SIDT1: variants seen among roughly 807,000 people sequenced by gnomAD.
SIDT1 encodes SID1 transmembrane family, member 1.
In SIDT1, 101 loss-of-function variants were observed where a neutral mutation model predicts 107.5. That is an observed-to-expected ratio of 0.94 (90% confidence interval 0.80 to 1.11). SIDT1 has a LOEUF of 1.11. SIDT1 is among the 50% of genes least tolerant of loss of function. The probability of loss-of-function intolerance (pLI) is 0.00; values close to 1 mark genes in which losing one functional copy is unlikely to be tolerated. For synonymous variants in SIDT1, 395 were observed against 398.2 expected, an observed-to-expected ratio of 0.99 and a Z score of 0.10; for missense variants, 1,076 against 1,058.2, an observed-to-expected ratio of 1.02 and a Z score of -0.23.
At chr3:113,581,233 T>G in intron 5 of SIDT1, 128 bp from the exon 6 acceptor site, 1 of 733,320 alleles carries the variant, frequency 1.4e-6, no homozygotes, top group Non-Finnish European at 2.4e-6. Flanking sequence ...GGAAATTGCC[T>G]AGTTTCTGGT....
chr3:113,591,035 T>C (rs559004190), intron 9 of SIDT1, among the ~76,000 whole-genome samples: 2 of 152,266 alleles, frequency 1.3e-5, no homozygotes, highest in South Asian at 4.1e-4. Context: ...CAAGAATCCT[T>C]ATGAAGGAGA....
intron 1 of SIDT1, 107 bp from the exon 2 acceptor site, chr3:113,566,313 C>T: frequency 8.7e-7 from 1 of 1,152,388 alleles, no homozygotes; most frequent in Non-Finnish European, 1.2e-6. Flanking sequence ...CACATGGCAA[C>T]TATGGTGTGT....
intron 9 of SIDT1, among the ~76,000 whole-genome samples, chr3:113,590,470 T>C (rs1576875657): frequency 6.6e-6 from 1 of 152,248 alleles, no homozygotes; most frequent in Admixed American, 6.5e-5. Flanking sequence ...AATGACTTTA[T>C]TGAGATACAA....
intron 1 of SIDT1, among the ~76,000 whole-genome samples, chr3:113,534,231 A>G (rs1937833173): frequency 1.3e-5 from 2 of 148,984 alleles, no homozygotes; most frequent in South Asian, 4.3e-4. Context: ...GATGATTGGG[A>G]TACCATGATA....
chr3:113,541,125 T>C (rs1938794774), intron 1 of SIDT1, among the ~76,000 whole-genome samples: 1 of 140,216 alleles, frequency 7.1e-6, no homozygotes, highest in Non-Finnish European at 1.5e-5. Flanking sequence ...TATATATATA[T>C]ATATATATAC....
At chr3:113,574,691 C>G (rs994309828) in intron 3 of SIDT1, among the ~76,000 whole-genome samples, 1 of 152,044 alleles carries the variant, frequency 6.6e-6, no homozygotes, top group African/African-American at 2.4e-5. Context: ...TATCTGCACC[C>G]CCATCTCTCA....
intron 5 of SIDT1, among the ~76,000 whole-genome samples, chr3:113,581,089 G>A (rs565044447): frequency 4.6e-5 from 7 of 152,182 alleles, no homozygotes; most frequent in African/African-American, 1.7e-4. Flanking sequence ...CTCCTGAGGT[G>A]TTAACGAAAA....
chr3:113,634,992 T>C, the SIDT1 span, among the ~76,000 whole-genome samples: 1 of 152,238 alleles, frequency 6.6e-6, no homozygotes, highest in Admixed American at 6.5e-5. Context: ...GACTATTGCT[T>C]CAGGTTCTAA....
chr3:113,626,218 G>A lies in SIDT1; in HGVS notation c.2421+3G>A. 2 of 1,586,232 alleles carry A rather than the reference G, an allele frequency of 1.3e-6. No individual in the cohort carries two copies. The highest frequency in any genetic ancestry group is 1.7e-6 in the Non-Finnish European group (2 of 1,154,660). The stretch of plus-strand genomic sequence containing the variant: ...CTGCTCTGTTTTTCTCATTCTTGGT[G>A]AGTTCATATCTATCTTTTTGTGACT... On this transcript the variant is annotated splice_donor_region_variant and intron_variant, in intron 24 of 24. Transcript: ENST00000264852.
intron 10 of SIDT1, among the ~76,000 whole-genome samples, chr3:113,593,964 T>G (rs1944359605): frequency 6.6e-6 from 1 of 152,190 alleles, no homozygotes. Flanking sequence ...AATGTCCTCA[T>G]TTTTGAAAAA....
chr3:113,554,829 A>C (rs1940670351), intron 1 of SIDT1, among the ~76,000 whole-genome samples: 3 of 151,472 alleles, frequency 2.0e-5, no homozygotes, highest in Admixed American at 1.3e-4. Context: ...TCCCCCACCA[A>C]GCTCAGGCAT....
intron 13 of SIDT1, among the ~76,000 whole-genome samples, chr3:113,604,337 C>T (rs910614642): frequency 6.6e-6 from 1 of 152,174 alleles, no homozygotes; most frequent in Non-Finnish European, 1.5e-5. Context: ...CTTTTACTTG[C>T]ATGCAGATCT....
chr3:113,552,822 CCCCT>C (rs1329134866), intron 1 of SIDT1, among the ~76,000 whole-genome samples: 1 of 152,204 alleles, frequency 6.6e-6, no homozygotes, highest in African/African-American at 2.4e-5. Flanking sequence ...CTGTATCCGG[CCCCT>C]TTGACATCCA....
At chr3:113,601,369 T>C in intron 10 of SIDT1, 1 of 405,216 alleles carries the variant, frequency 2.5e-6, no homozygotes, top group Non-Finnish European at 4.4e-6. Flanking sequence ...TCCCCAGTCA[T>C]TTAAAGGTTT....
chr3:113,603,314 T>C (rs1945094416), intron 12 of SIDT1, among the ~76,000 whole-genome samples, 164 bp downstream of exon 12: 1 of 152,152 alleles, frequency 6.6e-6, no homozygotes, highest in African/African-American at 2.4e-5. Flanking sequence ...CAATACTCTG[T>C]TAATTCGCAC....
intron 1 of SIDT1, among the ~76,000 whole-genome samples, 155 bp downstream of exon 1, chr3:113,533,398 C>T (rs1484100608): frequency 2.0e-5 from 3 of 152,234 alleles, no homozygotes; most frequent in African/African-American, 7.2e-5. Flanking sequence ...CTGCCCTGCC[C>T]TAGCTGCCTC....
chr3:113,624,321 G>T (rs1486112594), intron 23 of SIDT1, among the ~76,000 whole-genome samples: 1 of 152,126 alleles, frequency 6.6e-6, no homozygotes, highest in East Asian at 1.9e-4. Context: ...CTGTATATTT[G>T]CTTATTCTGG....
intron 1 of SIDT1, among the ~76,000 whole-genome samples, chr3:113,542,576 T>A (rs1038823337): frequency 1.3e-5 from 2 of 152,220 alleles, no homozygotes; most frequent in African/African-American, 4.8e-5. Context: ...CTTACTTTTT[T>A]TACTTACAGT....
At chr3:113,614,386 T>C (rs1209327610) in intron 19 of SIDT1, among the ~76,000 whole-genome samples, 3 of 152,208 alleles carry the variant, frequency 2.0e-5, no homozygotes, top group Admixed American at 2.0e-4. Context: ...AGCCAGCCTG[T>C]AGTTTAACTG....
Sources: allele counts gnomAD v4.1 joint callset (sites outside exome capture counted in the v4.1 genomes callset), GRCh38; gene constraint gnomAD v4.1.1; transcripts MANE v1.5; gene names NCBI Gene and HGNC (gene_info 2026-07-23, HGNC 2026-07-21).